The following ACSM5 variants were observed in gnomAD, a reference collection of about 807,000 sequenced individuals.
The protein encoded by ACSM5 is acyl-coenzyme A synthetase ACSM5, mitochondrial.
ACSM5 carries 56 observed loss-of-function variants against 71.6 expected under a neutral mutation model. That is an observed-to-expected ratio of 0.78 (90% CI 0.63 to 0.98). The LOEUF is 0.98. Among genes scored for constraint, ACSM5 ranks in the 50% least tolerant of loss-of-function variants. The pLI is 0.00. For missense variants in ACSM5, 723 were observed against 726.0 expected (o/e 1.00, Z 0.05); for synonymous variants, 285 against 281.5 (o/e 1.01, Z -0.12).
chr16:20,439,133 G>A (rs1006949037), intron 12 of ACSM5, among the ~76,000 whole-genome samples: 1 of 148,380 alleles, frequency 6.7e-6, no homozygotes, highest in African/African-American at 2.5e-5. Context: ...ACTGTTAACA[G>A]ATAGGAATGC....
At chr16:20,438,957 A>G (rs1223128868) in intron 12 of ACSM5, among the ~76,000 whole-genome samples, 1 of 81,760 alleles carries the variant, frequency 1.2e-5, no homozygotes, top group African/African-American at 6.6e-5. Context: ...TCTGTCTTAA[A>G]AAAAAAAAAA....
In ACSM5 at chr16:20,423,927, C is replaced by T; in HGVS notation, c.779C>T (p.Ala260Val). Reference protein sequence around the residue: ...GFVASGRRWVALTESDIFWNT... With the variant: ...GFVASGRRWVVLTESDIFWNT... The stretch of plus-strand genomic sequence containing the variant: ...CTAATTTTTGGCAGACGGTGGGTGG[C>T]CTTGACCGAATCTGACATCTTCTGG... Residue 260 changes from alanine (A) to valine (V), a missense_variant, in exon 6 of 14, where the codon GCC becomes GTC. Coordinates refer to ENST00000331849, the MANE Select transcript of ACSM5 (RefSeq NM_017888.3). The T allele has an allele frequency of 6.2e-7, 1 of 1,614,014 alleles. No homozygotes were observed. Among genetic ancestry groups the T allele is most frequent in the South Asian group, 1.1e-5 (1 of 91,040 alleles).
chr16:20,416,284 T>G (rs1651220893), intron 2 of ACSM5, among the ~76,000 whole-genome samples: 1 of 142,448 alleles, frequency 7.0e-6, no homozygotes, highest in South Asian at 2.2e-4. Context: ...AAAACAGCCT[T>G]GAAAAAAAAA....
At chr16:20,427,237 T>A (rs1966999953) in intron 6 of ACSM5, among the ~76,000 whole-genome samples, 2 of 151,920 alleles carry the variant, frequency 1.3e-5, no homozygotes, top group Middle Eastern at 3.2e-3. Flanking sequence ...GAGGCAGAGG[T>A]TGCAGTGAGC....
Position 20,411,535 on chromosome 16 carries a change from G to C in ACSM5, c.51G>C (p.Arg17Ser). The part of the protein sequence containing the change: ...HLVLQALRNS[R>S]AFCGSHGKPA... ...TCCTCCAGGCACTGAGGAACTCCAG[G>C]GCATTCTGTGGGTCTCATGGGAAGC... Residue 17 changes from arginine to serine, a missense_variant, in exon 2 of 14, where the codon AGG becomes AGC. Physicochemically the swap from Arg to Ser is moderately radical, Grantham distance 110. Coordinates refer to ENST00000331849, the MANE Select transcript of ACSM5 (RefSeq NM_017888.3). 1 of 1,614,176 alleles carries C rather than the reference G, an allele frequency of 6.2e-7. No homozygotes were observed. Among genetic ancestry groups the C allele is most frequent in the Non-Finnish European group, 8.5e-7 (1 of 1,180,026 alleles).
chr16:20,427,981 C>T, intron 7 of ACSM5, 114 bp downstream of exon 7: 1 of 819,738 alleles, frequency 1.2e-6, no homozygotes, highest in Non-Finnish European at 2.0e-6. Context: ...CTGTCTCTCC[C>T]TCTATATATT....
chr16:20,426,973 A>C (rs34257517), intron 6 of ACSM5, among the ~76,000 whole-genome samples: 1 of 137,974 alleles, frequency 7.2e-6, no homozygotes, highest in South Asian at 2.4e-4. Flanking sequence ...GACTGCAATC[A>C]TCTTAAGGAT....
chr16:20,410,445 A>G (rs1397126014), intron 1 of ACSM5, among the ~76,000 whole-genome samples: 2 of 152,110 alleles, frequency 1.3e-5, no homozygotes, highest in Admixed American at 6.6e-5. Flanking sequence ...AGACACTAAA[A>G]CTGGGCTGGG....
chr16:20,423,044 A>C (rs530371944), intron 5 of ACSM5, among the ~76,000 whole-genome samples: 1 of 152,164 alleles, frequency 6.6e-6, no homozygotes, highest in Non-Finnish European at 1.5e-5. Flanking sequence ...TTGGATACAC[A>C]TGTCTGAAGT....
At chr16:20,434,859 G>T (rs1967163432) in intron 10 of ACSM5, among the ~76,000 whole-genome samples, 1 of 152,080 alleles carries the variant, frequency 6.6e-6, no homozygotes. Flanking sequence ...CTCTAACCTT[G>T]TTATTCAACT....
At chr16:20,421,030 C>T (rs1352882976) in intron 4 of ACSM5, 2 of 361,848 alleles carry the variant, frequency 5.5e-6, no homozygotes, top group Admixed American at 4.8e-5. Flanking sequence ...GACTCTTTTG[C>T]GTGAATTATT....
rs111376796 is a variant in ACSM5, at chr16:20,431,081, C to A, written c.1206+8C>A. On this transcript the variant is annotated splice_region_variant and intron_variant, in intron 9 of 13. Coordinates refer to ENST00000331849, the MANE Select transcript of ACSM5 (RefSeq NM_017888.3). ...CCACCCTACGATGTGCAGGTAGCAG[C>A]CTCCCCCAACTTCTGGCAAGGCCTG... The A allele has an allele frequency of 4.6e-5, 74 of 1,611,232 alleles. No individual in the cohort carries two copies. In the African/African-American group the frequency reaches 7.2e-4, roughly 16 times the overall value.
Position 20,438,848 on chromosome 16 carries a change from G to A in ACSM5, c.1537-952G>A, listed in dbSNP as rs189947444. On this transcript the variant is annotated intron_variant, in intron 12 of 13. Transcript: ENST00000331849. Reference sequence around the variant, plus strand: ...TGGGCGCCTATAATCCCAGCTACTCGGGAGGCTGAGGCAGGAGAATGGCGT... The same window carrying A: ...TGGGCGCCTATAATCCCAGCTACTCAGGAGGCTGAGGCAGGAGAATGGCGT... Among the ~76,000 whole-genome samples the A allele has an allele frequency of 2.0e-4, 30 of 150,638 alleles. 1 individual carries two copies. Among genetic ancestry groups the A allele is most frequent in the Admixed American group, 7.9e-4 (12 of 15,100 alleles).
At chr16:20,421,640 T>TATATATAC (rs1252299881) in intron 5 of ACSM5, among the ~76,000 whole-genome samples, 1 of 133,682 alleles carries the variant, frequency 7.5e-6, no homozygotes, top group Non-Finnish European at 1.6e-5. Flanking sequence ...TATATATATA[T>TATATATAC]ATATATATAT....
chr16:20,427,103 C>T (rs1596618789), intron 6 of ACSM5, among the ~76,000 whole-genome samples: 1 of 151,882 alleles, frequency 6.6e-6, no homozygotes, highest in Admixed American at 6.6e-5. Flanking sequence ...GAGTTAAAGA[C>T]CAGCCTGGCC....
At chr16:20,427,323 C>T (rs1429712981) in intron 6 of ACSM5, among the ~76,000 whole-genome samples, 1 of 152,036 alleles carries the variant, frequency 6.6e-6, no homozygotes, top group Non-Finnish European at 1.5e-5. Context: ...AAAAACAAAA[C>T]AAAAACCTCA....
chr16:20,411,252 C>T (rs1966847093), intron 1 of ACSM5, among the ~76,000 whole-genome samples: 1 of 152,134 alleles, frequency 6.6e-6, no homozygotes, highest in Non-Finnish European at 1.5e-5. Flanking sequence ...ACCCAGATAC[C>T]CACAAGTCAG....
At position 20,440,783 on chromosome 16, in the gene ACSM5, GT is replaced by G. The variant is rs1967313782; in HGVS notation, c.*357del. Reference sequence around the variant, plus strand: ...ACTTGTGGGTACTCATTTTCTGCCAGTGGGAATGTAAAGGCTTCATCCTTTG... The same window carrying G: ...ACTTGTGGGTACTCATTTTCTGCCAGGGGAATGTAAAGGCTTCATCCTTTG... On this transcript the variant is annotated 3_prime_UTR_variant, in exon 14 of 14. Transcript: ENST00000331849. 1 of 180,366 alleles carries G rather than the reference GT, an allele frequency of 5.5e-6. No individual in the cohort carries two copies. The highest frequency in any genetic ancestry group is 2.3e-5 in the African/African-American group (1 of 42,806). 11.2% of individuals were successfully genotyped at this position (180,366 alleles called of 1,614,324 possible).
At position 20,427,865 on chromosome 16, in the gene ACSM5, C is replaced by A. The variant is rs753473263; in HGVS notation, c.999C>A (p.Thr333=). 1 of 1,612,248 alleles carries A rather than the reference C, an allele frequency of 6.2e-7. No individual in the cohort carries two copies. The highest frequency in any genetic ancestry group is 1.1e-5 in the South Asian group (1 of 90,986). Residue 333 remains threonine (T), a splice_region_variant and synonymous_variant, in exon 7 of 14, where the codon ACC becomes ACA. Transcript: ENST00000331849. ...IFRLLVQEDL[T]RYQFQSLRHC... is the part of the protein sequence containing the mutation. ...GGCTGCTTGTGCAGGAGGATCTGAC[C>A]AGGTACAGCCCGTCTATTTCGTGCT...
Sources: allele counts gnomAD v4.1 joint callset (sites outside exome capture counted in the v4.1 genomes callset), GRCh38; gene constraint gnomAD v4.1.1; transcripts MANE v1.5; gene names NCBI Gene and HGNC (gene_info 2026-07-23, HGNC 2026-07-21).